Variants in ROBO1 observed in about 807,000 individuals in gnomAD.
ROBO1 encodes roundabout guidance receptor 1.
ROBO1 carries 149 observed loss-of-function variants against 195.9 expected under a neutral mutation model. The observed-to-expected ratio is 0.76, with a 90% CI of 0.67 to 0.87. The LOEUF (loss-of-function observed/expected upper bound fraction) is 0.87, where lower values mean the gene tolerates loss of function less well. ROBO1 is among the 40% of genes least tolerant of loss of function. ROBO1 has a pLI of 0.00. For missense variants in ROBO1, 1,933 were observed against 2,068.3 expected (o/e 0.93, Z 1.27); for synonymous variants, 816 against 733.2 (o/e 1.11, Z -1.82).
intron 2 of ROBO1, among the ~76,000 whole-genome samples, chr3:79,362,801 A>G (rs1416634699): frequency 6.6e-6 from 1 of 152,150 alleles, no homozygotes; most frequent in Non-Finnish European, 1.5e-5. Flanking sequence ...TGATATAAAA[A>G]TCTCTGTAGG....
chr3:79,498,323 T>C (rs958951023), intron 2 of ROBO1, among the ~76,000 whole-genome samples: 26 of 152,318 alleles, frequency 1.7e-4, no homozygotes, highest in African/African-American at 5.8e-4. Context: ...TGCATGATAT[T>C]GTACAAAATA....
chr3:79,148,584 G>T (rs1010955280), intron 2 of ROBO1, among the ~76,000 whole-genome samples: 66 of 151,944 alleles, frequency 4.3e-4, no homozygotes, highest in African/African-American at 1.6e-3. Flanking sequence ...GCCAATTTTT[G>T]AGTTGAGTTC....
intron 1 of ROBO1, among the ~76,000 whole-genome samples, chr3:79,763,350 G>A (rs1450304607): frequency 2.6e-5 from 4 of 152,150 alleles, no homozygotes; most frequent in African/African-American, 4.8e-5. Flanking sequence ...CTCAAAAAAT[G>A]TTAGCTTACT....
chr3:79,738,128 A>C (rs1703466285), intron 1 of ROBO1, among the ~76,000 whole-genome samples: 1 of 152,158 alleles, frequency 6.6e-6, no homozygotes, highest in Non-Finnish European at 1.5e-5. Flanking sequence ...AAAATAATTC[A>C]GTAAGTTTAA....
intron 2 of ROBO1, among the ~76,000 whole-genome samples, chr3:79,459,163 C>T (rs2039716657): frequency 6.6e-6 from 1 of 151,376 alleles, no homozygotes; most frequent in Non-Finnish European, 1.5e-5. Context: ...ACCTTGCTTA[C>T]AATAAACATG....
intron 2 of ROBO1, among the ~76,000 whole-genome samples, chr3:79,269,819 G>A (rs142951074): frequency 4.9e-4 from 75 of 151,748 alleles, no homozygotes; most frequent in African/African-American, 1.5e-3. Flanking sequence ...CATCAACATA[G>A]ACTGAAAGAT....
intron 2 of ROBO1, among the ~76,000 whole-genome samples, chr3:79,493,877 T>TAAAATGCA (rs1190636980): frequency 6.6e-5 from 10 of 152,208 alleles, no homozygotes; most frequent in African/African-American, 2.2e-4. Flanking sequence ...TCAGTTATTC[T>TAAAATGCA]AAAATGCAAA....
intron 1 of ROBO1, among the ~76,000 whole-genome samples, chr3:79,726,094 T>C (rs1319622768): frequency 2.0e-5 from 3 of 152,292 alleles, no homozygotes; most frequent in South Asian, 4.1e-4. Flanking sequence ...CAAAATGTAA[T>C]GTGAATGACG....
intron 1 of ROBO1, among the ~76,000 whole-genome samples, chr3:79,617,580 G>T (rs1326472320): frequency 1.3e-5 from 2 of 152,004 alleles, no homozygotes; most frequent in African/African-American, 4.8e-5. Context: ...AGAAGTGAAA[G>T]CAAATTCAAA....
At chr3:79,014,495 T>C (rs1259601634) in intron 3 of ROBO1, among the ~76,000 whole-genome samples, 1 of 152,130 alleles carries the variant, frequency 6.6e-6, no homozygotes, top group African/African-American at 2.4e-5. Flanking sequence ...AGAAATCCAC[T>C]GTTTGGATTT....
intron 3 of ROBO1, among the ~76,000 whole-genome samples, chr3:79,028,228 C>G (rs1012673841): frequency 2.0e-5 from 3 of 151,930 alleles, no homozygotes; most frequent in Admixed American, 2.0e-4. Flanking sequence ...ATAATTCTCT[C>G]AAATATAATC....
chr3:79,019,014 G>C (rs983027629), intron 3 of ROBO1: 2 of 990,224 alleles, frequency 2.0e-6, no homozygotes, highest in African/African-American at 3.5e-5. Context: ...GGGGTGCCGG[G>C]AGTGTGACTG....
chr3:79,706,106 T>C (rs1435351447), intron 1 of ROBO1, among the ~76,000 whole-genome samples: 2 of 152,074 alleles, frequency 1.3e-5, no homozygotes, highest in African/African-American at 4.8e-5. Context: ...CTGTCATCTG[T>C]TGTATTTTTT....
chr3:79,498,575 C>T (rs1404053104), intron 2 of ROBO1, among the ~76,000 whole-genome samples: 1 of 152,074 alleles, frequency 6.6e-6, no homozygotes, highest in Non-Finnish European at 1.5e-5. Context: ...GATTTGTGGC[C>T]GGGCACGGTG....
intron 2 of ROBO1, among the ~76,000 whole-genome samples, chr3:79,426,614 C>T (rs1472331512): frequency 1.4e-4 from 21 of 152,070 alleles, no homozygotes; most frequent in African/African-American, 9.7e-5. Context: ...GTGATCCACC[C>T]GCCTCAGCCT....
chr3:79,191,577 A>G (rs147242401), intron 2 of ROBO1, among the ~76,000 whole-genome samples: 42 of 151,502 alleles, frequency 2.8e-4, no homozygotes, highest in African/African-American at 8.7e-4. Context: ...TTATTAATAT[A>G]CCACACATAT....
chr3:79,393,126 T>C (rs1433238668), intron 2 of ROBO1, among the ~76,000 whole-genome samples: 4 of 152,228 alleles, frequency 2.6e-5, no homozygotes, highest in African/African-American at 9.6e-5. Flanking sequence ...CTTCCATACT[T>C]GTCCATCTAT....
At chr3:79,118,918 A>C (rs1249636833) in intron 3 of ROBO1, among the ~76,000 whole-genome samples, 1 of 152,120 alleles carries the variant, frequency 6.6e-6, no homozygotes, top group Non-Finnish European at 1.5e-5. Context: ...ACTATTTATC[A>C]AAAGTAATTA....
At chr3:79,561,628 TA>T (rs1165876536) in intron 2 of ROBO1, among the ~76,000 whole-genome samples, 1 of 152,164 alleles carries the variant, frequency 6.6e-6, no homozygotes, top group Admixed American at 6.6e-5. Context: ...TGGTCAGATT[TA>T]TAGTTTTAGA....
Sources: allele counts gnomAD v4.1 joint callset (sites outside exome capture counted in the v4.1 genomes callset), GRCh38; gene constraint gnomAD v4.1.1; transcripts MANE v1.5; gene names NCBI Gene and HGNC (gene_info 2026-07-23, HGNC 2026-07-21).